Variants in PWWP3A observed in about 807,000 individuals in gnomAD.
PWWP3A encodes the protein PWWP domain-containing DNA repair factor 3A.
PWWP3A carries 53 observed loss-of-function variants against 79.0 expected under a neutral mutation model. The observed-to-expected ratio is 0.67, with a 90% CI of 0.54 to 0.84. The LOEUF (loss-of-function observed/expected upper bound fraction) is 0.84, where lower values mean the gene tolerates loss of function less well. Ranked by LOEUF, PWWP3A falls within the 40% of genes least tolerant of loss-of-function variation. The pLI is 0.00. For missense variants in PWWP3A, 973 were observed against 948.0 expected (o/e 1.03, Z -0.35); for synonymous variants, 443 against 394.4 (o/e 1.12, Z -1.46).
At position 1,377,837 on chromosome 19, in the gene PWWP3A, C is replaced by T. The variant is rs1378210306; in HGVS notation, c.*1261C>T. 6.6e-6 allele frequency: 1 copy of T among 152,250 alleles called. No homozygotes were observed. The highest frequency in any genetic ancestry group is 1.5e-5 in the Non-Finnish European group (1 of 68,064). 9.4% of individuals were successfully genotyped at this position (152,250 alleles called of 1,614,324 possible). On this transcript the variant is annotated 3_prime_UTR_variant, in exon 14 of 14. Transcript: ENST00000591337. The stretch of plus-strand genomic sequence containing the variant: ...GGCTGTGACCCTCTTCCCCCAGGCC[C>T]TCCCCAGCCGACGACAGCCACCGGA...
chr19:1,369,433 C>A lies in PWWP3A; in HGVS notation c.1498+93C>A. ...GGGCTGGGCCGGAGCTGCCTGGAGG[C>A]GGGGCATATTTCCGTGGGCCTGGGG... On this transcript the variant is annotated intron_variant, in intron 10 of 13. Transcript: ENST00000591337. The surrounding 1 kb of genome is among the most constrained non-coding windows in gnomAD (Gnocchi z 4.0). 1 of 1,511,884 alleles carries A rather than the reference C, an allele frequency of 6.6e-7. No individual in the cohort carries two copies. The highest frequency in any genetic ancestry group is 9.2e-7 in the Non-Finnish European group (1 of 1,090,854). 93.7% of individuals were successfully genotyped at this position (1,511,884 alleles called of 1,614,324 possible).
intron 2 of PWWP3A, 134 bp downstream of exon 2, chr19:1,356,583 T>C: frequency 1.3e-6 from 1 of 795,542 alleles, no homozygotes; most frequent in Non-Finnish European, 2.0e-6. Context: ...CTGATTCTCG[T>C]TCCCCATTTA....
intron 6 of PWWP3A, 91 bp downstream of exon 6, chr19:1,362,442 T>A: frequency 1.1e-6 from 1 of 943,758 alleles, no homozygotes; most frequent in African/African-American, 1.7e-5. Context: ...ACATTCTCCA[T>A]GAAAGGTCTC....
intron 6 of PWWP3A, 56 bp from the exon 7 acceptor site, chr19:1,364,453 A>G (rs952660469): frequency 1.3e-5 from 17 of 1,356,482 alleles, no homozygotes; most frequent in Non-Finnish European, 1.5e-5. Context: ...GGTGCTTGAT[A>G]TGGATTTGAC....
chr19:1,363,829 T>A (rs2082071717), intron 6 of PWWP3A, among the ~76,000 whole-genome samples: 1 of 152,226 alleles, frequency 6.6e-6, no homozygotes, highest in Admixed American at 6.5e-5. Flanking sequence ...GGTTACTTCA[T>A]AGGCCTTTAG....
chr19:1,376,314 T>TTTG (rs2082398931), intron 13 of PWWP3A, among the ~76,000 whole-genome samples: 1 of 131,294 alleles, frequency 7.6e-6, no homozygotes, highest in South Asian at 2.5e-4. Context: ...TTTGTTTGTT[T>TTTG]TTTTTTTTTT....
At chr19:1,356,301 C>G (rs1489515595) in intron 1 of PWWP3A, 23 bp from the exon 2 acceptor site, 5 of 1,280,778 alleles carry the variant, frequency 3.9e-6, no homozygotes, top group Non-Finnish European at 5.7e-6. Context: ...GTTGTATAAA[C>G]CACCGTGCAA....
intron 13 of PWWP3A, among the ~76,000 whole-genome samples, chr19:1,375,256 G>A (rs1299714925): frequency 2.0e-5 from 3 of 150,042 alleles, no homozygotes; most frequent in Admixed American, 1.3e-4. Context: ...TCCTGTAAAA[G>A]TTACCATCCT....
In PWWP3A at chr19:1,365,044, C is replaced by T. The variant is rs146483824; in HGVS notation, c.1284+465C>T. On this transcript the variant is annotated intron_variant, in intron 7 of 13. Coordinates refer to ENST00000591337, the MANE Select transcript of PWWP3A (RefSeq NM_001369789.1). ...CTGAGGCAGGAGAATGGCGTGAACC[C>T]GAGAGGTAGAGGTTGCAGTGAGCCA... Among the ~76,000 whole-genome samples the T allele has an allele frequency of 5.1e-4, 78 of 152,180 alleles. 3 individuals are homozygous for T. The East Asian group carries it at 0.014, about 27-fold the overall frequency.
intron 4 of PWWP3A, chr19:1,359,804 C>T (rs2081968558): frequency 5.1e-6 from 1 of 196,146 alleles, no homozygotes; most frequent in Admixed American, 5.9e-5. Context: ...AATTGTAAGG[C>T]TGAGAGAGGA....
intron 13 of PWWP3A, among the ~76,000 whole-genome samples, chr19:1,376,118 T>C (rs990421787): frequency 7.3e-6 from 1 of 136,112 alleles, no homozygotes; most frequent in Non-Finnish European, 1.6e-5. Flanking sequence ...CTCTCTGTCA[T>C]ACTCTTTTTT....
Position 1,357,111 on chromosome 19 carries a change from T to C in PWWP3A, c.143+17T>C, listed in dbSNP as rs1326112014. ...AGAGGAAAAGTTAAGTGTTGTGTTG[T>C]TTTAATACTGTTTTTTCCCGTGTAG... On this transcript the variant is annotated intron_variant, in intron 3 of 13. Transcript: ENST00000591337. The C allele has an allele frequency of 6.4e-7, 1 of 1,574,412 alleles. No homozygotes were observed. Among genetic ancestry groups the C allele is most frequent in the African/African-American group, 1.4e-5 (1 of 73,788 alleles).
Position 1,358,165 on chromosome 19 carries a change from A to G in PWWP3A, c.144-229A>G, listed in dbSNP as rs563689768. 4.9e-4 allele frequency: 239 copies of G among 488,324 alleles called. 2 individuals are homozygous for G. The South Asian group carries it at 8.2e-3, about 17-fold the overall frequency. The allele number at this position is 488,324 out of a possible 1,614,324, so 30.2% of individuals were successfully genotyped here. The stretch of plus-strand genomic sequence containing the variant: ...TGAATTCATTTTTGCTTTTAAATCC[A>G]GCCAACCTTTTCTGTCTTAAAAGGA... On this transcript the variant is annotated intron_variant, in intron 3 of 13. Transcript: ENST00000591337.
intron 7 of PWWP3A, 67 bp from the exon 8 acceptor site, chr19:1,366,238 C>T: frequency 6.4e-7 from 1 of 1,552,752 alleles, no homozygotes; most frequent in Non-Finnish European, 8.9e-7. Flanking sequence ...TGTGATGTCA[C>T]AAAAAAATAT....
intron 13 of PWWP3A, among the ~76,000 whole-genome samples, chr19:1,376,307 G>GGT (rs1555773649): frequency 1.4e-5 from 1 of 70,388 alleles, no homozygotes; most frequent in African/African-American, 6.9e-5. Context: ...TTTTTTTTTT[G>GGT]TTTGTTTTTT....
intron 6 of PWWP3A, among the ~76,000 whole-genome samples, chr19:1,362,718 G>T (rs1029331890): frequency 1.3e-5 from 2 of 152,240 alleles, no homozygotes; most frequent in Non-Finnish European, 2.9e-5. Flanking sequence ...GTACTGTCTC[G>T]CGGCTTCCGT....
intron 6 of PWWP3A, 127 bp downstream of exon 6, chr19:1,362,478 A>C: frequency 1.5e-6 from 1 of 678,044 alleles, no homozygotes; most frequent in Non-Finnish European, 2.5e-6. Context: ...TCTCCCACTG[A>C]ACCGAGACCT....
chr19:1,358,434 T>C lies in PWWP3A; in HGVS notation c.184T>C (p.Ser62Pro), dbSNP rs964356889. 2.5e-6 allele frequency: 4 copies of C among 1,614,004 alleles called. No individual in the cohort carries two copies. Among genetic ancestry groups the C allele is most frequent in the African/African-American group, 1.3e-5 (1 of 74,916 alleles). The change falls in exon 4 of 14, where the codon TCT (serine) becomes CCT (proline). Residue 62 changes from serine to proline, a missense_variant. By Grantham distance (74) the Ser-to-Pro change is moderately conservative. Transcript: ENST00000591337. The stretch of plus-strand genomic sequence containing the variant: ...CACTGAAGTTGAGATCCTAGAGAAG[T>C]CTCAAATTGAAGCCATTGCTTCCTC... ...KSTEVEILEK[S>P]QIEAIASSLA...
chr19:1,373,214 CT>C, intron 13 of PWWP3A, 54 bp downstream of exon 13: 1 of 1,506,832 alleles, frequency 6.6e-7, no homozygotes, highest in Admixed American at 1.8e-5. Context: ...CTTGCAGTTT[CT>C]ATTTCCACAC....
Sources: allele counts gnomAD v4.1 joint callset (sites outside exome capture counted in the v4.1 genomes callset), GRCh38; gene constraint gnomAD v4.1.1; non-coding constraint Gnocchi (gnomAD v3.1); transcripts MANE v1.5; gene names NCBI Gene and HGNC (gene_info 2026-07-23, HGNC 2026-07-21).